ABHD2: variants seen among roughly 807,000 people sequenced by gnomAD.
The protein encoded by ABHD2 is monoacylglycerol lipase ABHD2.
A neutral mutation model predicts 48.1 loss-of-function variants in ABHD2; 20 were observed. That is an observed-to-expected ratio of 0.42 (90% CI 0.29 to 0.60). The LOEUF is 0.60. ABHD2 is among the 20% of genes least tolerant of loss of function. The pLI is 0.24. For synonymous variants in ABHD2, 209 were observed against 214.2 expected, an observed-to-expected ratio of 0.98 and a Z score of 0.21; for missense variants, 405 against 550.9, an observed-to-expected ratio of 0.74 and a Z score of 2.65.
At chr15:89,041,280 G>T in the ABHD2 span, 3 of 152,218 alleles carry the variant, frequency 2.0e-5, no homozygotes, top group Non-Finnish European at 4.4e-5. Flanking sequence ...CTCTGCCCAC[G>T]TTGCAGAATC....
At chr15:89,112,245 G>T (rs1018662616) in intron 1 of ABHD2, among the ~76,000 whole-genome samples, 1 of 152,158 alleles carries the variant, frequency 6.6e-6, no homozygotes, top group Non-Finnish European at 1.5e-5. Context: ...CAAATCTTCT[G>T]ATTTTGTTTC....
chr15:89,066,065 T>C, the ABHD2 span, among the ~76,000 whole-genome samples: 5 of 152,158 alleles, frequency 3.3e-5, no homozygotes, highest in East Asian at 9.6e-4. Flanking sequence ...ATCACTAAAA[T>C]GTTTGTGTTT....
At position 89,106,886 on chromosome 15, in the gene ABHD2, T is replaced by C. The variant is rs2049794695; in HGVS notation, c.-106-6839T>C. Among the ~76,000 whole-genome samples, 1 of 152,038 alleles carries C rather than the reference T, an allele frequency of 6.6e-6. No individual in the cohort carries two copies. Among genetic ancestry groups the C allele is most frequent in the South Asian group, 2.1e-4 (1 of 4,820 alleles). Reference sequence around the variant, plus strand: ...CAGATGTAATCAAGTTAAGATGGGGTTGTACTTTTATCTAAGCTGCCACCA... The same window carrying C: ...CAGATGTAATCAAGTTAAGATGGGGCTGTACTTTTATCTAAGCTGCCACCA... On this transcript the variant is annotated intron_variant, in intron 1 of 10. Transcript: ENST00000352732. This position sits in a 1 kb window ranked among gnomAD's most constrained non-coding sequence, Gnocchi z 4.2.
In ABHD2 at chr15:89,159,467, G is replaced by A. The variant is rs1489656558; in HGVS notation, c.538+3933G>A. Reference sequence around the variant, plus strand: ...GCAGCAGCATGGAGAAACCAGCCTCGATCTATGGGCGAGGAGTCAAGTTGT... The same window carrying A: ...GCAGCAGCATGGAGAAACCAGCCTCAATCTATGGGCGAGGAGTCAAGTTGT... On this transcript the variant is annotated intron_variant, in intron 5 of 10. Transcript: ENST00000352732. Among the ~76,000 whole-genome samples, 9 of 152,290 alleles carry A rather than the reference G, an allele frequency of 5.9e-5. No homozygotes were observed. In the East Asian group the frequency reaches 1.7e-3, roughly 29 times the overall value.
intron 9 of ABHD2, among the ~76,000 whole-genome samples, chr15:89,191,542 C>T (rs932426993): frequency 6.6e-6 from 1 of 151,936 alleles, no homozygotes; most frequent in East Asian, 1.9e-4. Context: ...AGACTGAACT[C>T]AAAATTCCTG....
At position 89,199,499 on chromosome 15, in the gene ABHD2, A is replaced by T. The variant is rs968843449; in HGVS notation, c.*4076A>T. The stretch of plus-strand genomic sequence containing the variant: ...ACGATATTGCGGCATTAGAATTCCA[A>T]CTCTTCTGCTGTGGAAGTTTGAAGC... On this transcript the variant is annotated 3_prime_UTR_variant, in exon 11 of 11. Coordinates refer to ENST00000352732, the MANE Select transcript of ABHD2 (RefSeq NM_152924.5). The surrounding 1 kb of genome is among the most constrained non-coding windows in gnomAD (Gnocchi z 4.1). 2.0e-5 allele frequency: 3 copies of T among 152,570 alleles called. No individual in the cohort carries two copies. In the East Asian group the frequency reaches 5.8e-4, roughly 29 times the overall value. The allele number at this position is 152,570 out of a possible 1,614,324, so 9.5% of individuals were successfully genotyped here.
At chr15:89,139,467 G>A (rs777517128) in intron 3 of ABHD2, among the ~76,000 whole-genome samples, 35 of 152,104 alleles carry the variant, frequency 2.3e-4, no homozygotes, top group Non-Finnish European at 3.8e-4. Flanking sequence ...TTCAGATTAC[G>A]AATGCCACCA....
In ABHD2 at chr15:89,128,002, C is replaced by T. The variant is rs57223546; in HGVS notation, c.194+11481C>T. On this transcript the variant is annotated intron_variant, in intron 3 of 10. Coordinates refer to ENST00000352732, the MANE Select transcript of ABHD2 (RefSeq NM_152924.5). ...AATAACTTTCCACATATGTATCTCT[C>T]GTCACACCTCAAGTGTATTCTGAGA... Among the ~76,000 whole-genome samples the T allele has an allele frequency of 3.7e-3, 566 of 152,150 alleles. 5 individuals carry two copies. Among genetic ancestry groups the T allele is most frequent in the African/African-American group, 0.013 (550 of 41,478 alleles).
At chr15:89,165,336 A>G (rs967022223) in intron 5 of ABHD2, among the ~76,000 whole-genome samples, 10 of 152,116 alleles carry the variant, frequency 6.6e-5, no homozygotes, top group Non-Finnish European at 1.3e-4. Context: ...ACTTTTGTAT[A>G]GTTCATAAAT....
chr15:89,198,228 A>G lies in ABHD2; in HGVS notation c.*2805A>G, dbSNP rs549026897. 1.5e-4 allele frequency: 23 copies of G among 152,364 alleles called. No individual in the cohort carries two copies. Among genetic ancestry groups the G allele is most frequent in the African/African-American group, 5.3e-4 (22 of 41,592 alleles). The allele number at this position is 152,364 out of a possible 1,614,324, so 9.4% of individuals were successfully genotyped here. A position where few individuals can be genotyped will look rare whatever the true frequency, so the allele number is the denominator to read the frequency against. On this transcript the variant is annotated 3_prime_UTR_variant, in exon 11 of 11. Transcript: ENST00000352732. The surrounding 1 kb of genome is among the most constrained non-coding windows in gnomAD (Gnocchi z 5.1). ...TTTTAGAATCAAATTGAGGCTATAA[A>G]TTGCATCAATCTGGACAATTCCATT...
chr15:89,107,630 T>C (rs2049807634), intron 1 of ABHD2, among the ~76,000 whole-genome samples: 1 of 152,194 alleles, frequency 6.6e-6, no homozygotes, highest in Non-Finnish European at 1.5e-5. Context: ...AGTTTACAGA[T>C]GGTGTTCAGA....
chr15:89,136,410 T>G, intron 3 of ABHD2: 1 of 503,182 alleles, frequency 2.0e-6, no homozygotes, highest in Non-Finnish European at 3.9e-6. Context: ...TGGATGTTTG[T>G]TCTTATGTGC....
At chr15:89,066,267 G>C in the ABHD2 span, among the ~76,000 whole-genome samples, 1 of 152,162 alleles carries the variant, frequency 6.6e-6, no homozygotes, top group Non-Finnish European at 1.5e-5. Context: ...GGGTATGAAG[G>C]AGGATCCCTT....
chr15:89,149,484 C>G (rs143867615), intron 3 of ABHD2, among the ~76,000 whole-genome samples: 1 of 152,092 alleles, frequency 6.6e-6, no homozygotes, highest in African/African-American at 2.4e-5. Context: ...GTCCAGTGCT[C>G]TGGGGATAGA....
rs1014570894 is a variant in ABHD2 at position 89,155,079 on chromosome 15, G to A, written c.371-288G>A. Among the ~76,000 whole-genome samples, 1 of 152,106 alleles carries A rather than the reference G, an allele frequency of 6.6e-6. No individual in the cohort carries two copies. Among genetic ancestry groups the A allele is most frequent in the Non-Finnish European group, 1.5e-5 (1 of 67,996 alleles). ...ATCTTATAGTAGAAAATTGAGGTTT[G>A]TATATTTTTCATTTCATTTTTCCAG... is the stretch of plus-strand genomic sequence containing the variant. On this transcript the variant is annotated intron_variant, in intron 4 of 10. Transcript: ENST00000352732. The surrounding 1 kb of genome is among the most constrained non-coding windows in gnomAD (Gnocchi z 4.9).
At chr15:89,050,301 C>G in the ABHD2 span, among the ~76,000 whole-genome samples, 7 of 152,136 alleles carry the variant, frequency 4.6e-5, no homozygotes, top group Admixed American at 4.6e-4. Flanking sequence ...GACTCTGGGC[C>G]TGAGCCTATG....
At chr15:89,162,218 C>T (rs1460891107) in intron 5 of ABHD2, among the ~76,000 whole-genome samples, 2 of 152,194 alleles carry the variant, frequency 1.3e-5, no homozygotes, top group African/African-American at 2.4e-5. Flanking sequence ...ATGGCATCAT[C>T]ACAACGGAAA....
intron 3 of ABHD2, among the ~76,000 whole-genome samples, chr15:89,135,143 C>CT (rs3049683): frequency 8.9e-6 from 1 of 112,198 alleles, no homozygotes; most frequent in African/African-American, 3.2e-5. Context: ...ACAACTTTTT[C>CT]TTTTTTTTTT....
At chr15:89,048,631 T>C in the ABHD2 span, among the ~76,000 whole-genome samples, 2 of 152,098 alleles carry the variant, frequency 1.3e-5, no homozygotes, top group Admixed American at 6.6e-5. Flanking sequence ...TTCCCTTCTC[T>C]CTTCATTTCA....
Sources: allele counts gnomAD v4.1 joint callset (sites outside exome capture counted in the v4.1 genomes callset), GRCh38; gene constraint gnomAD v4.1.1; non-coding constraint Gnocchi (gnomAD v3.1); transcripts MANE v1.5; gene names NCBI Gene and HGNC (gene_info 2026-07-23, HGNC 2026-07-21).